Variants in VCF1 observed in about 807,000 individuals in gnomAD.
VCF1 encodes protein VCF1.
At chr17:73,222,776 CAA>C in the VCF1 span, among the ~76,000 whole-genome samples, 113 of 117,862 alleles carry the variant, frequency 9.6e-4, 1 homozygote, top group Admixed American at 2.3e-3. Flanking sequence ...AACTCTGTCT[CAA>C]AAAAAAAAAA....
chr17:73,216,549 A>C, the VCF1 span, among the ~76,000 whole-genome samples: 1 of 152,132 alleles, frequency 6.6e-6, no homozygotes, highest in Non-Finnish European at 1.5e-5. Context: ...TGAGTGGGGA[A>C]AAGAGCCCAC....
chr17:73,225,900 T>TATATAATATATATATATATA, the VCF1 span, among the ~76,000 whole-genome samples: 2 of 77,898 alleles, frequency 2.6e-5, no homozygotes. Flanking sequence ...TATATATATA[T>TATATAATATATATATATATA]TTTTTTTTTT....
At chr17:73,212,550 G>T in the VCF1 span, 1 of 647,694 alleles carries the variant, frequency 1.5e-6, no homozygotes, top group Non-Finnish European at 2.5e-6. Flanking sequence ...AGAAGTCAAA[G>T]TCAAAAACAA....
At chr17:73,209,730 G>GCTA in the VCF1 span, 1 of 1,543,352 alleles carries the variant, frequency 6.5e-7, no homozygotes, top group South Asian at 1.2e-5. Flanking sequence ...TGCTGCTGCT[G>GCTA]CTGCTGCTGC....
At chr17:73,227,543 G>A in the VCF1 span, 172 of 805,674 alleles carry the variant, frequency 2.1e-4, 2 homozygotes, top group East Asian at 8.7e-3. Context: ...ACTGAAACAA[G>A]AACAGGAAGA....
At chr17:73,224,663 T>C in the VCF1 span, among the ~76,000 whole-genome samples, 3 of 152,268 alleles carry the variant, frequency 2.0e-5, no homozygotes. Flanking sequence ...GATTTTTTGC[T>C]GCTACAAACA....
At chr17:73,208,254 G>T in the VCF1 span, 2 of 1,610,266 alleles carry the variant, frequency 1.2e-6, no homozygotes, top group Middle Eastern at 4.5e-4. Flanking sequence ...CGCGCGGAGG[G>T]CGAGTGGGCA....
the VCF1 span, chr17:73,232,007 C>G: frequency 6.9e-7 from 1 of 1,442,696 alleles, no homozygotes; most frequent in Non-Finnish European, 9.3e-7. Context: ...CTTGCTCCGA[C>G]CCCCATTTCG....
chr17:73,221,804 G>A, the VCF1 span, among the ~76,000 whole-genome samples: 1 of 152,094 alleles, frequency 6.6e-6, no homozygotes. Context: ...GGGAGGCCGA[G>A]GCGGGCGGAT....
chr17:73,229,433 A>G, the VCF1 span: 7 of 985,458 alleles, frequency 7.1e-6, no homozygotes, highest in Non-Finnish European at 8.4e-6. Flanking sequence ...ATAACTGATT[A>G]TATTCTTCCC....
At chr17:73,232,249 A>T in the VCF1 span, 1 of 1,611,198 alleles carries the variant, frequency 6.2e-7, no homozygotes, top group Non-Finnish European at 8.5e-7. Flanking sequence ...GGTGGCGAGT[A>T]CCCCTCAGTC....
chr17:73,208,453 A>T, the VCF1 span: 85 of 1,613,962 alleles, frequency 5.3e-5, no homozygotes, highest in Non-Finnish European at 7.2e-5. Flanking sequence ...ACTAAGTAAC[A>T]TGGCAACACA....
At chr17:73,231,724 C>G in the VCF1 span, among the ~76,000 whole-genome samples, 1 of 152,188 alleles carries the variant, frequency 6.6e-6, no homozygotes, top group South Asian at 2.1e-4. Context: ...TGGGGGCTCC[C>G]TCTCCAAGAT....
chr17:73,231,954 C>T, the VCF1 span: 1 of 996,636 alleles, frequency 1.0e-6, no homozygotes, highest in Non-Finnish European at 1.4e-6. Flanking sequence ...CCCTCCTCCC[C>T]CGGCCCGCAG....
At chr17:73,219,140 A>C in the VCF1 span, among the ~76,000 whole-genome samples, 8,108 of 148,974 alleles carry the variant, frequency 0.054, 248 homozygotes, top group Middle Eastern at 0.083. Context: ...GCAGTGAGCC[A>C]AGATTGTGCC....
the VCF1 span, among the ~76,000 whole-genome samples, chr17:73,230,062 C>T: frequency 4.0e-5 from 6 of 151,772 alleles, no homozygotes; most frequent in Admixed American, 6.6e-5. Flanking sequence ...TTTGGGATGC[C>T]GAGGCGGGTG....
chr17:73,208,334 C>T, the VCF1 span: 70 of 1,613,914 alleles, frequency 4.3e-5, no homozygotes, highest in Middle Eastern at 3.4e-4. Flanking sequence ...CGGCACGCTC[C>T]ACAGCTGGTG....
chr17:73,228,015 T>G, the VCF1 span, among the ~76,000 whole-genome samples: 1 of 152,244 alleles, frequency 6.6e-6, no homozygotes, highest in African/African-American at 2.4e-5. Context: ...GGAACTGTAC[T>G]GTCCAATACG....
At chr17:73,219,829 G>C in the VCF1 span, among the ~76,000 whole-genome samples, 25 of 151,754 alleles carry the variant, frequency 1.6e-4, no homozygotes, top group Non-Finnish European at 3.5e-4. Context: ...ATAAAAATAA[G>C]CTGGGCATGG....
Sources: allele counts gnomAD v4.1 joint callset (sites outside exome capture counted in the v4.1 genomes callset), GRCh38; gene constraint gnomAD v4.1.1; transcripts MANE v1.5; gene names NCBI Gene and HGNC (gene_info 2026-07-23, HGNC 2026-07-21).